The following SNTG2 variants were observed in gnomAD, a reference collection of about 807,000 sequenced individuals.
SNTG2 encodes gamma-2-syntrophin.
A neutral mutation model predicts 70.9 loss-of-function variants in SNTG2; 74 were observed. The observed-to-expected ratio is 1.04, with a 90% CI of 0.86 to 1.27. SNTG2 has a LOEUF of 1.27. SNTG2 is among the 50% of genes most tolerant of loss of function. The pLI, the probability that SNTG2 is intolerant of heterozygous loss-of-function variation, is 0.00. For missense variants in SNTG2, 717 were observed against 690.7 expected, an observed-to-expected ratio of 1.04 and a Z score of -0.43; for synonymous variants, 278 against 273.8, an observed-to-expected ratio of 1.02 and a Z score of -0.15.
At chr2:1,064,740 A>G (rs1663043666) in intron 1 of SNTG2, among the ~76,000 whole-genome samples, 1 of 152,174 alleles carries the variant, frequency 6.6e-6, no homozygotes, top group Non-Finnish European at 1.5e-5. Context: ...GATTCATTCA[A>G]AGAAGACAGA....
chr2:1,059,882 A>G (rs1191189425), intron 1 of SNTG2, among the ~76,000 whole-genome samples: 5 of 152,186 alleles, frequency 3.3e-5, no homozygotes, highest in African/African-American at 1.2e-4. Context: ...ATAAACTAAG[A>G]CAGAGTTATA....
intron 4 of SNTG2, among the ~76,000 whole-genome samples, chr2:1,100,875 C>A (rs1254671398): frequency 6.6e-6 from 1 of 152,050 alleles, no homozygotes; most frequent in African/African-American, 2.4e-5. Flanking sequence ...GAAGGAAAAT[C>A]CATTTTACCT....
rs1484459901 is a variant in SNTG2, at chr2:954,318, C to T, written c.72+3250C>T. 2.0e-5 allele frequency among the ~76,000 whole-genome samples: 3 copies of T among 152,188 alleles called. No homozygotes were observed. The South Asian group carries it at 6.2e-4, about 32-fold the overall frequency. Reference sequence around the variant, plus strand: ...ACCTGTGGAATGTGTGCTTGGGTTCCGAAGGTCACTTTGTATCTGATTCCA... The same window carrying T: ...ACCTGTGGAATGTGTGCTTGGGTTCTGAAGGTCACTTTGTATCTGATTCCA... On this transcript the variant is annotated intron_variant, in intron 1 of 16. Transcript: ENST00000308624.
rs564828981 is a variant in SNTG2, at chr2:956,023, CTG to C, written c.72+4958_72+4959del. Among the ~76,000 whole-genome samples the C allele has an allele frequency of 2.3e-3, 328 of 144,898 alleles. 2 individuals are homozygous for C. The highest frequency in any genetic ancestry group is 7.4e-3 in the Middle Eastern group (2 of 272). ...CTGGCCCCACCCACTGCCCTTGTGACTGTGCTGGCCCCTGCCCCTGCCCCTGC... is the reference window on the plus strand; with the variant it reads ...CTGGCCCCACCCACTGCCCTTGTGACTGCTGGCCCCTGCCCCTGCCCCTGC... On this transcript the variant is annotated intron_variant, in intron 1 of 16. Coordinates refer to ENST00000308624, the MANE Select transcript of SNTG2 (RefSeq NM_018968.4).
chr2:1,327,957 C>T (rs1038469360), intron 16 of SNTG2, among the ~76,000 whole-genome samples: 2 of 152,114 alleles, frequency 1.3e-5, no homozygotes, highest in Non-Finnish European at 2.9e-5. Flanking sequence ...GCATGCTGTA[C>T]AGGAAGGATG....
intron 14 of SNTG2, among the ~76,000 whole-genome samples, chr2:1,278,308 G>A (rs896258340): frequency 5.3e-5 from 8 of 152,106 alleles, no homozygotes; most frequent in African/African-American, 9.7e-5. Flanking sequence ...GTCAGTTACC[G>A]CACCAGGTTG....
chr2:1,063,792 GA>G (rs1389191283), intron 1 of SNTG2, among the ~76,000 whole-genome samples: 1 of 152,068 alleles, frequency 6.6e-6, no homozygotes, highest in Non-Finnish European at 1.5e-5. Context: ...ATTAAATAAA[GA>G]AAAAACTTTC....
At position 1,027,494 on chromosome 2, in the gene SNTG2, G is replaced by A. The variant is rs189192419; in HGVS notation, c.73-56024G>A. On this transcript the variant is annotated intron_variant, in intron 1 of 16. Coordinates refer to ENST00000308624, the MANE Select transcript of SNTG2 (RefSeq NM_018968.4). ...CTGTTGAGTAAAGAGATAAGCAGGT[G>A]CATCACTGAAGGTGCGTCTGACCCA... Among the ~76,000 whole-genome samples the A allele has an allele frequency of 3.7e-4, 56 of 150,342 alleles. 1 individual carries two copies. The highest frequency in any genetic ancestry group is 3.3e-3 in the Admixed American group (49 of 15,050).
rs1660919232 is a variant in SNTG2, at chr2:1,032,922, A to G, written c.73-50596A>G. Among the ~76,000 whole-genome samples the G allele has an allele frequency of 2.0e-5, 3 of 152,288 alleles. No homozygotes were observed. In the South Asian group the frequency reaches 6.2e-4, roughly 32 times the overall value. Reference sequence around the variant, plus strand: ...GAGCATGGCACTGACATCTGCCTAGATTCTGGGGAAGGCTCAGGAATCTTC... The same window carrying G: ...GAGCATGGCACTGACATCTGCCTAGGTTCTGGGGAAGGCTCAGGAATCTTC... On this transcript the variant is annotated intron_variant, in intron 1 of 16. Transcript: ENST00000308624.
chr2:1,148,574 A>G (rs1437674019), intron 6 of SNTG2, among the ~76,000 whole-genome samples: 1 of 152,078 alleles, frequency 6.6e-6, no homozygotes, highest in East Asian at 1.9e-4. Flanking sequence ...CTCACTACTG[A>G]CCTGTGTGTT....
At chr2:1,254,157 T>C (rs1296135617) in intron 12 of SNTG2, among the ~76,000 whole-genome samples, 2 of 151,996 alleles carry the variant, frequency 1.3e-5, no homozygotes, top group East Asian at 3.9e-4. Context: ...GATAGAAGAA[T>C]GGAAAGGAGG....
At chr2:1,003,478 A>G (rs750559308) in intron 1 of SNTG2, among the ~76,000 whole-genome samples, 1 of 152,226 alleles carries the variant, frequency 6.6e-6, no homozygotes, top group South Asian at 2.1e-4. Context: ...AGCATCAAAC[A>G]TATTAACCAA....
At chr2:1,025,225 G>A (rs975219920) in intron 1 of SNTG2, among the ~76,000 whole-genome samples, 1 of 152,144 alleles carries the variant, frequency 6.6e-6, no homozygotes, top group Non-Finnish European at 1.5e-5. Context: ...CCAGCTGGGA[G>A]CAACTTCAAG....
At chr2:1,079,463 G>GT (rs57835516) in intron 1 of SNTG2, among the ~76,000 whole-genome samples, 36,686 of 152,112 alleles carry the variant, frequency 0.24, 4,734 homozygotes, top group Middle Eastern at 0.29. Flanking sequence ...CCTGACTTTA[G>GT]TTTTTTAACA....
intron 1 of SNTG2, among the ~76,000 whole-genome samples, chr2:1,054,931 T>G (rs376624435): frequency 8.7e-6 from 1 of 114,504 alleles, no homozygotes; most frequent in East Asian, 2.1e-4. Flanking sequence ...GTGATGGCTT[T>G]TTTTGTTTTG....
chr2:1,155,458 A>G, intron 6 of SNTG2, among the ~76,000 whole-genome samples: 1 of 149,444 alleles, frequency 6.7e-6, no homozygotes, highest in East Asian at 1.9e-4. Flanking sequence ...CACACACCAG[A>G]CACAAGCATA....
chr2:1,021,010 T>A (rs1660137731), intron 1 of SNTG2, among the ~76,000 whole-genome samples: 1 of 152,160 alleles, frequency 6.6e-6, no homozygotes, highest in Non-Finnish European at 1.5e-5. Context: ...AAGAATAGCT[T>A]TTCCTCATCA....
In SNTG2 at chr2:1,098,138, C is replaced by T. The variant is rs369659777; in HGVS notation, c.211-58C>T. The T allele has an allele frequency of 3.3e-3, 5,140 of 1,546,154 alleles. 10 individuals carry two copies. The highest frequency in any genetic ancestry group is 3.8e-3 in the Non-Finnish European group (4,259 of 1,128,742). On this transcript the variant is annotated intron_variant, in intron 2 of 16. Transcript: ENST00000308624. Reference sequence around the variant, plus strand: ...TTAAATGAAGAATTTCTTTTGAATTCACTTTCTGATAGTGCATTTTAACCT... The same window carrying T: ...TTAAATGAAGAATTTCTTTTGAATTTACTTTCTGATAGTGCATTTTAACCT...
At chr2:1,261,503 C>T (rs926675535) in intron 13 of SNTG2, among the ~76,000 whole-genome samples, 4 of 152,170 alleles carry the variant, frequency 2.6e-5, no homozygotes, top group Admixed American at 2.0e-4. Context: ...ACACTCATCA[C>T]GAAATAGATG....
Sources: gnomAD v4.1 joint callset for allele counts (sites outside exome capture counted in the v4.1 genomes callset) on GRCh38, gnomAD v4.1.1 for gene constraint, MANE v1.5 for transcripts, NCBI Gene and HGNC (gene_info 2026-07-23, HGNC 2026-07-21) for gene names.